Variants in YIPF4 observed in about 807,000 individuals in gnomAD.
YIPF4 encodes the protein Yip1 domain family member 4.
Under a neutral mutation model 29.4 loss-of-function variants are expected in YIPF4, and 18 were observed. The observed-to-expected ratio is 0.61, with a 90% CI of 0.42 to 0.91. The LOEUF (loss-of-function observed/expected upper bound fraction) is 0.91, where lower values mean the gene tolerates loss of function less well. YIPF4 is among the 40% of genes least tolerant of loss of function. YIPF4 has a pLI of 0.00. For synonymous variants in YIPF4, 115 were observed against 104.7 expected, an observed-to-expected ratio of 1.10 and a Z score of -0.60; for missense variants, 279 against 282.7, an observed-to-expected ratio of 0.99 and a Z score of 0.09.
At position 32,313,200 on chromosome 2, in the gene YIPF4, T is replaced by G. The variant is rs953942414; in HGVS notation, c.*7574T>G. On this transcript the variant is annotated 3_prime_UTR_variant, in exon 6 of 6. Transcript: ENST00000238831. ...ATCTTAGGGAAAAATAAAAGTTAAC[T>G]AGGCAAAGAAGGTAGGGAAGACTCT... is the stretch of plus-strand genomic sequence containing the variant. 1 of 152,054 alleles carries G rather than the reference T, an allele frequency of 6.6e-6. No individual in the cohort carries two copies. The highest frequency in any genetic ancestry group is 1.5e-5 in the Non-Finnish European group (1 of 68,016). The allele number at this position is 152,054 out of a possible 1,614,324, so 9.4% of individuals were successfully genotyped here.
chr2:32,300,277 T>TA (rs1184024960), intron 4 of YIPF4, among the ~76,000 whole-genome samples: 2 of 137,244 alleles, frequency 1.5e-5, no homozygotes, highest in Non-Finnish European at 3.2e-5. Context: ...AAAAAAAAGA[T>TA]AAAAAAATTA....
intron 1 of YIPF4, among the ~76,000 whole-genome samples, chr2:32,288,756 G>A (rs1207108259): frequency 2.6e-5 from 4 of 152,158 alleles, no homozygotes; most frequent in Admixed American, 2.6e-4. Context: ...GTTGCAGTGA[G>A]CCGAGATTGC....
At chr2:32,295,390 G>A (rs1395620116) in intron 3 of YIPF4, among the ~76,000 whole-genome samples, 2 of 152,024 alleles carry the variant, frequency 1.3e-5, no homozygotes, top group Non-Finnish European at 2.9e-5. Context: ...ATTATTTTAC[G>A]GTTCTGGATG....
rs151070810 is a variant in YIPF4 at position 32,300,963 on chromosome 2, T to C, written c.484-419T>C. ...TTCTCTTCAGTCTCTCCTGGCTACC[T>C]TCCCTTTCCTTCTGGTCGGCATTGG... On this transcript the variant is annotated intron_variant, in intron 4 of 5. Coordinates refer to ENST00000238831, the MANE Select transcript of YIPF4 (RefSeq NM_032312.4). 5.5e-3 allele frequency among the ~76,000 whole-genome samples: 831 copies of C among 152,338 alleles called. 11 individuals carry two copies. The highest frequency in any genetic ancestry group is 0.019 in the African/African-American group (784 of 41,580).
At chr2:32,304,857 A>G (rs2148968081) in intron 5 of YIPF4, among the ~76,000 whole-genome samples, 1 of 152,316 alleles carries the variant, frequency 6.6e-6, no homozygotes, top group South Asian at 2.1e-4. Flanking sequence ...GTATGTATGT[A>G]TGTGATCCAA....
chr2:32,296,715 C>T (rs937541901), intron 3 of YIPF4, among the ~76,000 whole-genome samples: 1 of 152,108 alleles, frequency 6.6e-6, no homozygotes, highest in Non-Finnish European at 1.5e-5. Context: ...AGTATCTGTT[C>T]AATTTCTCCA....
chr2:32,299,817 TTAAA>T (rs1162180252), intron 4 of YIPF4, among the ~76,000 whole-genome samples: 3 of 151,816 alleles, frequency 2.0e-5, no homozygotes, highest in Admixed American at 1.3e-4. Flanking sequence ...CTTAAATAAA[TTAAA>T]TAAATAAGGA....
Position 32,307,032 on chromosome 2 carries a change from C to A in YIPF4, c.*1406C>A. ...AGAAAGAAAAACTTATTTTAAGCTG[C>A]AGAAAAAGTGTGGAGCACTTTTGAG... On this transcript the variant is annotated 3_prime_UTR_variant, in exon 6 of 6. Coordinates refer to ENST00000238831, the MANE Select transcript of YIPF4 (RefSeq NM_032312.4). 1 of 1,016,586 alleles carries A rather than the reference C, an allele frequency of 9.8e-7. No homozygotes were observed. The highest frequency in any genetic ancestry group is 1.3e-6 in the Non-Finnish European group (1 of 763,400). The allele number at this position is 1,016,586 out of a possible 1,614,324, so 63.0% of individuals were successfully genotyped here. A position where few individuals can be genotyped will look rare whatever the true frequency, so the allele number is the denominator to read the frequency against.
intron 3 of YIPF4, among the ~76,000 whole-genome samples, chr2:32,292,984 G>C (rs2030983881): frequency 1.3e-5 from 2 of 151,402 alleles, no homozygotes; most frequent in South Asian, 4.2e-4. Flanking sequence ...TTTCCCAAGA[G>C]ATGAACAGTT....
rs1375192020 is a variant in YIPF4 at position 32,312,011 on chromosome 2, A to G, written c.*6385A>G. The G allele has an allele frequency of 6.6e-6, 1 of 152,216 alleles. No homozygotes were observed. Among genetic ancestry groups the G allele is most frequent in the Non-Finnish European group, 1.5e-5 (1 of 68,036 alleles). The allele number at this position is 152,216 out of a possible 1,614,324, so 9.4% of individuals were successfully genotyped here. On this transcript the variant is annotated 3_prime_UTR_variant, in exon 6 of 6. Transcript: ENST00000238831. ...AAGTATCTTTTTAATAGTAAGCACC[A>G]TTTAATAATGAAACAACTCATATGT...
Position 32,277,999 on chromosome 2 carries a change from G to C in YIPF4, c.-157G>C. On this transcript the variant is annotated 5_prime_UTR_variant, in exon 1 of 6. Transcript: ENST00000238831. ...TGGGGTAGTCTCGGGGCAGCTCAGC[G>C]GCCCGCTGTGCCCGTTTCTGGCCTC... 1 of 610,298 alleles carries C rather than the reference G, an allele frequency of 1.6e-6. No individual in the cohort carries two copies. Among genetic ancestry groups the C allele is most frequent in the Non-Finnish European group, 2.7e-6 (1 of 364,518 alleles). 37.8% of individuals were successfully genotyped at this position (610,298 alleles called of 1,614,324 possible). A position where few individuals can be genotyped will look rare whatever the true frequency, so the allele number is the denominator to read the frequency against.
chr2:32,281,473 C>G (rs1163887797), intron 1 of YIPF4, among the ~76,000 whole-genome samples: 1 of 152,092 alleles, frequency 6.6e-6, no homozygotes, highest in Non-Finnish European at 1.5e-5. Flanking sequence ...AACTCCTGGG[C>G]TCAAGTGATC....
intron 3 of YIPF4, 135 bp downstream of exon 3, chr2:32,292,483 C>T: frequency 1.5e-6 from 1 of 669,296 alleles, no homozygotes; most frequent in Non-Finnish European, 2.2e-6. Flanking sequence ...TTGTTCATCC[C>T]TAAAACCGTT....
In YIPF4 at chr2:32,309,681, C is replaced by CTTTTTTTT. The variant is rs200229465; in HGVS notation, c.*4073_*4080dup. 3 of 116,266 alleles carry CTTTTTTTT rather than the reference C, an allele frequency of 2.6e-5. No homozygotes were observed. The highest frequency in any genetic ancestry group is 3.0e-4 in the South Asian group (1 of 3,344). The allele number at this position is 116,266 out of a possible 1,614,324, so 7.2% of individuals were successfully genotyped here. On this transcript the variant is annotated 3_prime_UTR_variant, in exon 6 of 6. Transcript: ENST00000238831. ...TTTTAGGCTTTAGGGAATTGTGACCCTTTTTTTTTTTTTTTTTTTTTTTTT... is the reference window on the plus strand; with the variant it reads ...TTTTAGGCTTTAGGGAATTGTGACCCTTTTTTTTTTTTTTTTTTTTTTTTTTTTTTTTT...
rs2030173605 is a variant in YIPF4, at chr2:32,278,002, C to T, written c.-154C>T. 2 of 623,720 alleles carry T rather than the reference C, an allele frequency of 3.2e-6. No homozygotes were observed. Among genetic ancestry groups the T allele is most frequent in the Non-Finnish European group, 5.3e-6 (2 of 375,582 alleles). The allele number at this position is 623,720 out of a possible 1,614,324, so 38.6% of individuals were successfully genotyped here. On this transcript the variant is annotated 5_prime_UTR_variant, in exon 1 of 6. Coordinates refer to ENST00000238831, the MANE Select transcript of YIPF4 (RefSeq NM_032312.4). Reference sequence around the variant, plus strand: ...GGTAGTCTCGGGGCAGCTCAGCGGCCCGCTGTGCCCGTTTCTGGCCTCGCT... The same window carrying T: ...GGTAGTCTCGGGGCAGCTCAGCGGCTCGCTGTGCCCGTTTCTGGCCTCGCT...
intron 4 of YIPF4, among the ~76,000 whole-genome samples, chr2:32,300,370 G>A (rs1156747757): frequency 6.6e-6 from 1 of 151,758 alleles, no homozygotes; most frequent in African/African-American, 2.4e-5. Context: ...GGAGGCGGAG[G>A]TTGCGGTGAG....
intron 1 of YIPF4, among the ~76,000 whole-genome samples, chr2:32,279,084 C>T (rs1007039692): frequency 2.6e-5 from 4 of 151,880 alleles, no homozygotes; most frequent in Non-Finnish European, 4.4e-5. Flanking sequence ...TCTCCTGCCT[C>T]AGCCTCCCGA....
At chr2:32,293,745 G>A (rs1218738883) in intron 3 of YIPF4, among the ~76,000 whole-genome samples, 1 of 149,660 alleles carries the variant, frequency 6.7e-6, no homozygotes, top group Non-Finnish European at 1.5e-5. Flanking sequence ...CCCGGACGGG[G>A]CGGCTGGCCG....
intron 4 of YIPF4, among the ~76,000 whole-genome samples, chr2:32,298,823 G>A (rs994327519): frequency 6.6e-6 from 1 of 151,986 alleles, no homozygotes; most frequent in African/African-American, 2.4e-5. Context: ...CTCCCAAAGT[G>A]CTGGGATTAC....
Sources: gnomAD v4.1 joint callset for allele counts (sites outside exome capture counted in the v4.1 genomes callset) on GRCh38, gnomAD v4.1.1 for gene constraint, MANE v1.5 for transcripts, NCBI Gene and HGNC (gene_info 2026-07-23, HGNC 2026-07-21) for gene names.